Variants in AJAP1 observed in about 807,000 individuals in gnomAD.
AJAP1 encodes the protein adherens junctions associated protein 1, also known as adherens junction-associated protein 1.
A neutral mutation model predicts 35.0 loss-of-function variants in AJAP1; 5 were observed. The ratio of observed to expected loss-of-function variants is 0.14; its 90% CI spans 0.07 to 0.30. The LOEUF is 0.30. AJAP1 is among the 10% of genes least tolerant of loss of function. The pLI, the probability that AJAP1 is intolerant of heterozygous loss-of-function variation, is 1.00. For synonymous variants in AJAP1, 284 were observed against 249.3 expected (o/e 1.14, Z -1.31); for missense variants, 586 against 571.0 (o/e 1.03, Z -0.27).
intron 1 of AJAP1, among the ~76,000 whole-genome samples, chr1:4,710,362 C>T (rs770293297): frequency 3.9e-5 from 6 of 152,186 alleles, no homozygotes; most frequent in Non-Finnish European, 7.3e-5. Flanking sequence ...GACACACCCC[C>T]AGATGCATCT....
intron 1 of AJAP1, among the ~76,000 whole-genome samples, chr1:4,661,867 T>C (rs1639006401): frequency 6.6e-6 from 1 of 152,210 alleles, no homozygotes; most frequent in African/African-American, 2.4e-5. Flanking sequence ...AACCTATCTG[T>C]GACACAGATA....
chr1:4,679,808 GGT>G (rs60846836), intron 1 of AJAP1, among the ~76,000 whole-genome samples: 10,111 of 142,298 alleles, frequency 0.071, 465 homozygotes, highest in Middle Eastern at 0.17. Flanking sequence ...GAACCAATAG[GGT>G]GTGTGTGTGT....
At chr1:4,753,630 TG>T (rs1641366506) in intron 2 of AJAP1, among the ~76,000 whole-genome samples, 1 of 152,180 alleles carries the variant, frequency 6.6e-6, no homozygotes, top group Non-Finnish European at 1.5e-5. Context: ...TGGAGTGCAA[TG>T]GCATGATCTC....
intron 5 of AJAP1, chr1:4,777,334 C>T (rs1035358970): frequency 6.6e-6 from 1 of 152,238 alleles, no homozygotes; most frequent in Non-Finnish European, 1.5e-5. Flanking sequence ...ACACCATTGT[C>T]TTTCTTCTCA....
At chr1:4,673,080 T>C (rs986465075) in intron 1 of AJAP1, among the ~76,000 whole-genome samples, 3 of 152,134 alleles carry the variant, frequency 2.0e-5, no homozygotes, top group African/African-American at 7.2e-5. Context: ...CTGAATGAGC[T>C]TGGAAACAGA....
At chr1:4,662,765 T>C (rs1244362056) in intron 1 of AJAP1, among the ~76,000 whole-genome samples, 3 of 152,258 alleles carry the variant, frequency 2.0e-5, no homozygotes, top group Non-Finnish European at 4.4e-5. Context: ...CATTGTTGAT[T>C]CGAACATTTC....
chr1:4,731,944 C>A (rs1238424675), intron 2 of AJAP1, among the ~76,000 whole-genome samples: 1 of 152,222 alleles, frequency 6.6e-6, no homozygotes, highest in Non-Finnish European at 1.5e-5. Flanking sequence ...CCATCGGACA[C>A]CCCCTGGGTG....
chr1:4,702,473 T>C lies in AJAP1; in HGVS notation c.30-9427T>C, dbSNP rs373395338. On this transcript the variant is annotated intron_variant, in intron 1 of 5. Coordinates refer to ENST00000378191, the MANE Select transcript of AJAP1 (RefSeq NM_018836.4). ...GTTAGAGAGTTTGGCTTTGCTTACT[T>C]AGCTCACTGCTTTGCCCAAGGGCTT... is the stretch of plus-strand genomic sequence containing the variant. Among the ~76,000 whole-genome samples the C allele has an allele frequency of 4.6e-5, 7 of 152,252 alleles. No homozygotes were observed. The East Asian group carries it at 9.6e-4, about 21-fold the overall frequency.
intron 2 of AJAP1, among the ~76,000 whole-genome samples, chr1:4,762,383 A>G (rs1227664056): frequency 2.6e-5 from 4 of 152,170 alleles, no homozygotes; most frequent in Non-Finnish European, 5.9e-5. Flanking sequence ...TATGGTGGGA[A>G]CTAGGGCCGT....
At chr1:4,776,060 C>T (rs1015147053) in intron 5 of AJAP1, among the ~76,000 whole-genome samples, 9 of 152,174 alleles carry the variant, frequency 5.9e-5, no homozygotes, top group East Asian at 1.9e-4. Flanking sequence ...CTGGGAGATG[C>T]AAGGCCTTAG....
At chr1:4,680,840 G>C (rs1227695706) in intron 1 of AJAP1, among the ~76,000 whole-genome samples, 1 of 152,134 alleles carries the variant, frequency 6.6e-6, no homozygotes, top group African/African-American at 2.4e-5. Context: ...TCTTTCTAGT[G>C]GTGTTTTTTA....
At chr1:4,669,926 A>T (rs968222082) in intron 1 of AJAP1, among the ~76,000 whole-genome samples, 1 of 152,190 alleles carries the variant, frequency 6.6e-6, no homozygotes, top group African/African-American at 2.4e-5. Flanking sequence ...TTTGAGGGAC[A>T]TACCTAGGCA....
chr1:4,707,796 T>C (rs796865910), intron 1 of AJAP1, among the ~76,000 whole-genome samples: 10 of 152,050 alleles, frequency 6.6e-5, no homozygotes, highest in African/African-American at 1.7e-4. Flanking sequence ...TGGAACTCTG[T>C]CTTTAGGGTT....
chr1:4,762,260 G>T (rs932538064), intron 2 of AJAP1, among the ~76,000 whole-genome samples: 3 of 152,198 alleles, frequency 2.0e-5, no homozygotes, highest in Non-Finnish European at 2.9e-5. Flanking sequence ...TTTGCCCAAA[G>T]AAATGTCCTT....
chr1:4,659,479 G>A (rs1638955770), intron 1 of AJAP1, among the ~76,000 whole-genome samples: 1 of 152,104 alleles, frequency 6.6e-6, no homozygotes, highest in Non-Finnish European at 1.5e-5. Flanking sequence ...GAGTCATGAG[G>A]CCTCGGAGCA....
intron 2 of AJAP1, among the ~76,000 whole-genome samples, chr1:4,769,066 GC>G (rs1429814580): frequency 6.6e-6 from 1 of 152,144 alleles, no homozygotes; most frequent in African/African-American, 2.4e-5. Context: ...AGCTCTACCT[GC>G]CCCACTTCTG....
chr1:4,666,574 AGGGGTGCGGAGAGGGGCCCGTGAATCACG>A (rs1639125257), intron 1 of AJAP1, among the ~76,000 whole-genome samples: 1 of 93,350 alleles, frequency 1.1e-5, no homozygotes, highest in African/African-American at 4.2e-5. Context: ...GAATCACGGG[AGGGGTGCGGAGAGGGGCCCGTGAATCACG>A]GGAGGGGTGC....
chr1:4,782,358 C>A lies in AJAP1; in HGVS notation c.*60-187C>A, dbSNP rs1214841412. On this transcript the variant is annotated intron_variant, in intron 5 of 5. Coordinates refer to ENST00000378191, the MANE Select transcript of AJAP1 (RefSeq NM_018836.4). The surrounding 1 kb of genome is among the most constrained non-coding windows in gnomAD (Gnocchi z 5.3). ...CAGTGTTTCTTCCAGTTCCTGCTGACCAGTTCTAGTGAGGCCTTGTCCACG... is the reference window on the plus strand; with the variant it reads ...CAGTGTTTCTTCCAGTTCCTGCTGAACAGTTCTAGTGAGGCCTTGTCCACG... 6.6e-6 allele frequency among the ~76,000 whole-genome samples: 1 copy of A among 152,148 alleles called. No homozygotes were observed. The highest frequency in any genetic ancestry group is 6.5e-5 in the Admixed American group (1 of 15,284).
chr1:4,733,793 C>T (rs1320291650), intron 2 of AJAP1, among the ~76,000 whole-genome samples: 1 of 152,044 alleles, frequency 6.6e-6, no homozygotes, highest in African/African-American at 2.4e-5. Context: ...GTGCTATTTC[C>T]CAGAGACCAG....
Sources: gnomAD v4.1 joint callset for allele counts (sites outside exome capture counted in the v4.1 genomes callset) on GRCh38, gnomAD v4.1.1 for gene constraint, Gnocchi (gnomAD v3.1) non-coding constraint, MANE v1.5 for transcripts, NCBI Gene and HGNC (gene_info 2026-07-23, HGNC 2026-07-21) for gene names.